ABCC3: variants seen among roughly 807,000 people sequenced by gnomAD.
ABCC3 encodes the protein ATP binding cassette subfamily C member 3.
ABCC3 carries 121 observed loss-of-function variants against 165.3 expected under a neutral mutation model. The observed-to-expected ratio is 0.73, with a 90% CI of 0.63 to 0.85. The LOEUF (loss-of-function observed/expected upper bound fraction) is 0.85, where lower values mean the gene tolerates loss of function less well. Ranked by LOEUF, ABCC3 falls within the 40% of genes least tolerant of loss-of-function variation. ABCC3 has a pLI of 0.00. For missense variants in ABCC3, 1,869 were observed against 1,964.1 expected, an observed-to-expected ratio of 0.95 and a Z score of 0.92; for synonymous variants, 733 against 810.1, an observed-to-expected ratio of 0.90 and a Z score of 1.62.
intron 10 of ABCC3, 142 bp downstream of exon 10, chr17:50,664,253 C>A: frequency 8.5e-7 from 1 of 1,171,700 alleles, no homozygotes; most frequent in Non-Finnish European, 1.2e-6. Context: ...ATCACTTGAG[C>A]CCAAGAGTTC....
At chr17:50,668,263 T>C (rs1967568919) in intron 13 of ABCC3, among the ~76,000 whole-genome samples, 167 bp from the exon 14 acceptor site, 1 of 152,160 alleles carries the variant, frequency 6.6e-6, no homozygotes, top group South Asian at 2.1e-4. Context: ...GGACTTTCTC[T>C]TTGGGCAGTG....
intron 8 of ABCC3, among the ~76,000 whole-genome samples, chr17:50,662,646 A>T (rs1201172335): frequency 2.0e-5 from 3 of 149,822 alleles, no homozygotes; most frequent in African/African-American, 7.3e-5. Context: ...TCAAAAAAAA[A>T]AAAAAAAAAA....
chr17:50,635,270 G>T, intron 1 of ABCC3: 5 of 628,422 alleles, frequency 8.0e-6, no homozygotes, highest in Non-Finnish European at 1.4e-5. Flanking sequence ...CAAAGGCACA[G>T]TGCGTGGCTG....
At chr17:50,652,212 T>C (rs1967126226) in intron 1 of ABCC3, among the ~76,000 whole-genome samples, 1 of 152,220 alleles carries the variant, frequency 6.6e-6, no homozygotes, top group Admixed American at 6.5e-5. Context: ...CAGACTTATA[T>C]AAACATAAAC....
At chr17:50,664,384 C>T in intron 10 of ABCC3, 2 of 471,096 alleles carry the variant, frequency 4.2e-6, no homozygotes, top group Non-Finnish European at 3.9e-6. Context: ...GAGGGTTATT[C>T]TGGGTTAGCA....
chr17:50,658,296 CA>C, intron 5 of ABCC3, 89 bp downstream of exon 5: 1 of 1,601,370 alleles, frequency 6.2e-7, no homozygotes, highest in Non-Finnish European at 8.6e-7. Flanking sequence ...CAGTTCCTTT[CA>C]AAGTGGGAGA....
In ABCC3 at chr17:50,677,799, C is replaced by T; in HGVS notation, c.3434C>T (p.Ser1145Leu). The change falls in exon 24 of 31, where the codon TCA (serine) becomes TTA (leucine). Residue 1145 changes from serine to leucine, a missense_variant. Ser to Leu is a moderately radical substitution (Grantham distance 145, BLOSUM62 -2). Coordinates refer to ENST00000285238, the MANE Select transcript of ABCC3 (RefSeq NM_003786.4). Reference protein sequence around the residue: ...QLKRLESVSRSPIYSHFSETV... With the variant: ...QLKRLESVSRLPIYSHFSETV... ...AAGCGGCTGGAATCAGTCAGCCGCT[C>T]ACCTATCTACTCCCACTTTTCGGAG... 6.2e-7 allele frequency: 1 copy of T among 1,614,140 alleles called. No homozygotes were observed. Among genetic ancestry groups the T allele is most frequent in the Non-Finnish European group, 8.5e-7 (1 of 1,180,024 alleles).
chr17:50,684,982 T>A, intron 29 of ABCC3, 107 bp downstream of exon 29: 1 of 1,272,980 alleles, frequency 7.9e-7, no homozygotes. Context: ...CCAGCCCGGA[T>A]GTGCACAGGG....
Position 50,675,950 on chromosome 17 carries a change from T to C in ABCC3, c.2927T>C (p.Leu976Pro). The C allele has an allele frequency of 6.2e-7, 1 of 1,614,166 alleles. No homozygotes were observed. The highest frequency in any genetic ancestry group is 1.1e-5 in the South Asian group (1 of 91,086). Residue 976 changes from leucine (L) to proline (P), a missense_variant, in exon 22 of 31, where the codon CTC (leucine) becomes CCC (proline). Coordinates refer to ENST00000285238, the MANE Select transcript of ABCC3 (RefSeq NM_003786.4). ...CTCTGTACCACGCTGGCCATCTGTC[T>C]CCTGTATGTGGGTCAAAGTGCGGCT... ...VGLCTTLAIC[L>P]LYVGQSAAAI...
At chr17:50,673,701 C>G in intron 19 of ABCC3, 43 bp downstream of exon 19, 1 of 1,590,468 alleles carries the variant, frequency 6.3e-7, no homozygotes, top group Non-Finnish European at 8.6e-7. Context: ...GCCTTCCCAG[C>G]ATTCCCCCTG....
intron 1 of ABCC3, among the ~76,000 whole-genome samples, chr17:50,652,230 G>A (rs1967126527): frequency 6.6e-6 from 1 of 152,168 alleles, no homozygotes; most frequent in South Asian, 2.1e-4. Flanking sequence ...AACAGCAACA[G>A]ATCTTACAGC....
chr17:50,684,101 C>T lies in ABCC3; in HGVS notation c.4107C>T (p.Ile1369=). Residue 1369 remains isoleucine, a synonymous_variant, in exon 28 of 31, where the codon ATC becomes ATT. Transcript: ENST00000285238. ...ACCTGCGCTCTCAGCTGACCATCAT[C>T]CCGCAGGTAGGAGCCTGGCATGGGC... ...LHDLRSQLTI[I]PQDPILFSGT... is the part of the protein sequence containing the mutation. The T allele has an allele frequency of 1.2e-6, 2 of 1,612,946 alleles. No individual in the cohort carries two copies. The highest frequency in any genetic ancestry group is 1.7e-6 in the Non-Finnish European group (2 of 1,179,588).
chr17:50,679,376 C>G, intron 25 of ABCC3: 1 of 156,874 alleles, frequency 6.4e-6, no homozygotes, highest in Non-Finnish European at 1.4e-5. Flanking sequence ...GGGCTCAGGA[C>G]TCTGCACTTT....
In ABCC3 at chr17:50,683,982, T is replaced by A. The variant is rs779259172; in HGVS notation, c.3988T>A (p.Ser1330Thr). 1 of 1,613,470 alleles carries A rather than the reference T, an allele frequency of 6.2e-7. No individual in the cohort carries two copies. The highest frequency in any genetic ancestry group is 2.2e-5 in the East Asian group (1 of 44,846). ...CGTGGGCCGCACTGGGGCTGGCAAG[T>A]CTTCCATGACCCTTTGCCTGTTCCG... ...GIVGRTGAGK[S>T]SMTLCLFRIL... Residue 1330 changes from serine (S) to threonine (T), a missense_variant, in exon 28 of 31, where the codon TCT becomes ACT. Transcript: ENST00000285238.
chr17:50,644,776 T>C (rs1484398685), intron 1 of ABCC3, among the ~76,000 whole-genome samples: 2 of 151,518 alleles, frequency 1.3e-5, no homozygotes, highest in Non-Finnish European at 2.9e-5. Flanking sequence ...CCCAGCACTT[T>C]GGGAGGCCGA....
At chr17:50,689,184 C>CA (rs1011465437) in intron 30 of ABCC3, among the ~76,000 whole-genome samples, 8 of 151,594 alleles carry the variant, frequency 5.3e-5, no homozygotes, top group African/African-American at 1.2e-4. Context: ...GACTCTGCCT[C>CA]AAAAAAAAGA....
intron 1 of ABCC3, among the ~76,000 whole-genome samples, chr17:50,650,070 C>T (rs1245728290): frequency 6.6e-6 from 1 of 152,068 alleles, no homozygotes; most frequent in Non-Finnish European, 1.5e-5. Context: ...CTAAGAACAC[C>T]ATGTTGTTTT....
chr17:50,669,969 A>G (rs1967613089), intron 17 of ABCC3, among the ~76,000 whole-genome samples: 1 of 151,710 alleles, frequency 6.6e-6, no homozygotes, highest in African/African-American at 2.4e-5. Flanking sequence ...CTAAATTTTT[A>G]ATTTTTTTTA....
At position 50,663,775 on chromosome 17, in the gene ABCC3, C is replaced by T. The variant is rs572338556; in HGVS notation, c.1093C>T (p.Leu365=). ...GTTCCTGTGCTCCATGATGCAGTCG[C>T]TGATCTTACAACACTATTACCACTA... The part of the protein sequence containing the change: ...LMFLCSMMQS[L]ILQHYYHYIF... Residue 365 remains leucine (L), a synonymous_variant, in exon 9 of 31, where the codon CTG becomes TTG. Transcript: ENST00000285238. The T allele has an allele frequency of 1.9e-6, 3 of 1,614,196 alleles. No individual in the cohort carries two copies. In the African/African-American group the frequency reaches 4.0e-5, roughly 22 times the overall value.
Sources: allele counts gnomAD v4.1 joint callset (sites outside exome capture counted in the v4.1 genomes callset), GRCh38; gene constraint gnomAD v4.1.1; transcripts MANE v1.5; gene names NCBI Gene and HGNC (gene_info 2026-07-23, HGNC 2026-07-21).